Variants in CLIC5 observed in about 807,000 individuals in gnomAD.
The protein encoded by CLIC5 is CLIC family member 5, also known as chloride intracellular channel protein 5.
Under a neutral mutation model 24.7 loss-of-function variants are expected in CLIC5, and 20 were observed. The ratio of observed to expected loss-of-function variants is 0.81; its 90% CI spans 0.57 to 1.18. The LOEUF (loss-of-function observed/expected upper bound fraction) is 1.18. Among genes scored for constraint, CLIC5 ranks in the 50% most tolerant of loss-of-function variants. CLIC5 has a pLI of 0.00. For synonymous variants in CLIC5, 159 were observed against 135.6 expected (o/e 1.17, Z -1.20); for missense variants, 341 against 326.1 (o/e 1.05, Z -0.35).
the CLIC5 span, among the ~76,000 whole-genome samples, chr6:46,116,208 GGAAGCAGCTTTGGAGAGAATTTGACA>G: frequency 4.0e-5 from 6 of 150,766 alleles, no homozygotes; most frequent in African/African-American, 1.5e-4. Flanking sequence ...CACAGAGTCT[GGAAGCAGCTTTGGAGAGAATTTGACA>G]CTAGATGTAT....
chr6:46,027,171 A>G (rs1026152269), intron 1 of CLIC5, among the ~76,000 whole-genome samples: 6 of 152,238 alleles, frequency 3.9e-5, no homozygotes, highest in African/African-American at 1.4e-4. Flanking sequence ...GTACAATATT[A>G]AATTATGATC....
intron 6 of CLIC5, among the ~76,000 whole-genome samples, chr6:45,891,322 C>T (rs1250035029): frequency 6.6e-6 from 1 of 152,188 alleles, no homozygotes; most frequent in Non-Finnish European, 1.5e-5. Context: ...CTCCCACCAA[C>T]ATACCCTGTA....
At chr6:46,087,888 T>C in the CLIC5 span, among the ~76,000 whole-genome samples, 1 of 152,148 alleles carries the variant, frequency 6.6e-6, no homozygotes, top group African/African-American at 2.4e-5. Context: ...ACTAAATAAC[T>C]AATGAAGAAT....
At chr6:45,915,185 C>T (rs1250664508) in intron 4 of CLIC5, among the ~76,000 whole-genome samples, 2 of 151,978 alleles carry the variant, frequency 1.3e-5, no homozygotes, top group East Asian at 3.9e-4. Flanking sequence ...GCCTTGGCCT[C>T]CCAAAGTGCT....
the CLIC5 span, among the ~76,000 whole-genome samples, chr6:46,100,851 G>A: frequency 1.3e-5 from 2 of 152,126 alleles, no homozygotes; most frequent in African/African-American, 2.4e-5. Context: ...ACCACAGAGC[G>A]ATTACCACTA....
intron 6 of CLIC5, among the ~76,000 whole-genome samples, chr6:45,889,922 G>C (rs1011936809): frequency 3.9e-5 from 6 of 152,086 alleles, no homozygotes; most frequent in African/African-American, 1.4e-4. Flanking sequence ...AAGTGAGTTA[G>C]GTTGCATTCA....
intron 6 of CLIC5, among the ~76,000 whole-genome samples, chr6:45,884,027 G>A (rs1286632363): frequency 6.6e-6 from 1 of 152,190 alleles, no homozygotes; most frequent in Non-Finnish European, 1.5e-5. Context: ...ACAATAATAA[G>A]AGATTTAATT....
At chr6:46,075,104 A>G (rs1762730517) in intron 1 of CLIC5, among the ~76,000 whole-genome samples, 1 of 152,370 alleles carries the variant, frequency 6.6e-6, no homozygotes, top group Admixed American at 6.5e-5. Flanking sequence ...CAGATACTAT[A>G]TTAAGCAACT....
chr6:45,969,262 G>T (rs1308178784), intron 1 of CLIC5, among the ~76,000 whole-genome samples: 1 of 152,166 alleles, frequency 6.6e-6, no homozygotes, highest in African/African-American at 2.4e-5. Context: ...GGCCAGCACT[G>T]TAGATTGCAA....
At chr6:46,058,835 C>T (rs545224812) in intron 1 of CLIC5, among the ~76,000 whole-genome samples, 92 of 152,162 alleles carry the variant, frequency 6.0e-4, no homozygotes, top group African/African-American at 1.9e-3. Flanking sequence ...GTATAATGTG[C>T]GATAACAGGT....
chr6:45,948,411 T>A (rs1764357786), intron 3 of CLIC5, among the ~76,000 whole-genome samples: 1 of 152,120 alleles, frequency 6.6e-6, no homozygotes, highest in Non-Finnish European at 1.5e-5. Context: ...GATACCGACT[T>A]CCCTCAACCT....
intron 1 of CLIC5, among the ~76,000 whole-genome samples, chr6:46,061,647 G>A (rs776934947): frequency 2.0e-5 from 3 of 152,208 alleles, no homozygotes; most frequent in Non-Finnish European, 4.4e-5. Flanking sequence ...CTTGGCCAAA[G>A]AGAGACACTT....
At chr6:45,927,776 A>C (rs1045139618) in intron 4 of CLIC5, among the ~76,000 whole-genome samples, 11 of 152,160 alleles carry the variant, frequency 7.2e-5, no homozygotes, top group Non-Finnish European at 1.6e-4. Flanking sequence ...TGAAACTAGA[A>C]TTCAAAGCCA....
intron 5 of CLIC5, chr6:45,911,685 C>A: frequency 1.0e-6 from 1 of 985,266 alleles, no homozygotes; most frequent in Non-Finnish European, 1.2e-6. Context: ...TTCAATACAG[C>A]AGAAATGCAA....
intron 1 of CLIC5, chr6:46,014,503 C>A (rs961648389): frequency 6.6e-6 from 1 of 152,206 alleles, no homozygotes; most frequent in East Asian, 1.9e-4. Context: ...GAGTTTTCCC[C>A]CTTTGTGAAA....
upstream of CLIC5, among the ~76,000 whole-genome samples, chr6:46,082,092 C>A (rs1762932410): frequency 2.0e-5 from 3 of 152,178 alleles, no homozygotes; most frequent in South Asian, 6.2e-4. Context: ...GACACTACTC[C>A]TTTCCACAAT....
chr6:45,930,021 C>T (rs1763666963), intron 4 of CLIC5, among the ~76,000 whole-genome samples: 1 of 152,070 alleles, frequency 6.6e-6, no homozygotes, highest in African/African-American at 2.4e-5. Flanking sequence ...GGGGAGAAGG[C>T]ATGAAGCGCC....
At chr6:46,038,885 G>T (rs1025299232) in intron 1 of CLIC5, among the ~76,000 whole-genome samples, 5 of 152,178 alleles carry the variant, frequency 3.3e-5, no homozygotes, top group African/African-American at 1.2e-4. Context: ...GTTGGGAAAA[G>T]ATAAATTCAC....
At chr6:45,919,146 T>G (rs1324231799) in intron 4 of CLIC5, 17 of 968,884 alleles carry the variant, frequency 1.8e-5, no homozygotes, top group Non-Finnish European at 2.0e-5. Flanking sequence ...ATCATCTAAA[T>G]AGTCCCCCTA....
Sources: allele counts gnomAD v4.1 joint callset (sites outside exome capture counted in the v4.1 genomes callset), GRCh38; gene constraint gnomAD v4.1.1; transcripts MANE v1.5; gene names NCBI Gene and HGNC (gene_info 2026-07-23, HGNC 2026-07-21).